ZC3H13: variants seen among roughly 807,000 people sequenced by gnomAD.
ZC3H13 encodes the protein zinc finger CCCH-type containing 13, also known as zinc finger CCCH domain-containing protein 13.
Under a neutral mutation model 204.1 loss-of-function variants are expected in ZC3H13, and 64 were observed. That is an observed-to-expected ratio of 0.31 (90% confidence interval 0.26 to 0.39). The LOEUF (loss-of-function observed/expected upper bound fraction) is 0.39, where lower values mean the gene tolerates loss of function less well. Ranked by LOEUF, ZC3H13 falls within the 10% of genes least tolerant of loss-of-function variation. ZC3H13 has a pLI of 1.00. For synonymous variants in ZC3H13, 667 were observed against 693.7 expected (o/e 0.96, Z 0.60); for missense variants, 1,833 against 2,082.7 (o/e 0.88, Z 2.33).
intron 12 of ZC3H13, among the ~76,000 whole-genome samples, chr13:45,973,509 T>C (rs1420788978): frequency 1.3e-5 from 2 of 152,222 alleles, no homozygotes; most frequent in African/African-American, 4.8e-5. Flanking sequence ...GTATCCCTTA[T>C]CCATGAAATG....
chr13:46,019,814 G>A (rs1240129128), intron 5 of ZC3H13, among the ~76,000 whole-genome samples: 7 of 152,142 alleles, frequency 4.6e-5, no homozygotes, highest in Admixed American at 3.3e-4. Flanking sequence ...CAAACTCCTG[G>A]GCTAAAGTGG....
rs755476855 is a variant in ZC3H13, at chr13:45,970,416, G to A, written c.2518C>T (p.Arg840Cys). 24 of 1,613,826 alleles carry A rather than the reference G, an allele frequency of 1.5e-5. No homozygotes were observed. The highest frequency in any genetic ancestry group is 1.0e-4 in the Admixed American group (6 of 59,998). ...GSPSPRQSPK[R>C]RREHSPDSDA... The stretch of plus-strand genomic sequence containing the variant: ...CTGTCCGGAGAATGTTCACGCCGGC[G>A]CTTCGGGGACTGTCTAGGGCTGGGA... The change falls in exon 13 of 19, where the codon CGC becomes TGC. Residue 840 changes from arginine (R) to cysteine (C), a missense_variant. Around this residue, in one of 5 missense-constraint regions of ZC3H13, gnomAD observed 1,574 missense variants for 1,757.2 expected, o/e 0.90. Coordinates refer to ENST00000679008, the MANE Select transcript of ZC3H13 (RefSeq NM_001330564.2).
rs556031905 is a variant in ZC3H13, at chr13:46,023,304, T to C, written c.340-2747A>G. On this transcript the variant is annotated intron_variant, in intron 4 of 18. Coordinates refer to ENST00000679008, the MANE Select transcript of ZC3H13 (RefSeq NM_001330564.2). ...CCCTTTCTTCCCATTTCCAGACAGT[T>C]CTAATTATTAGAAAATTATTTCTTA... Among the ~76,000 whole-genome samples the C allele has an allele frequency of 2.6e-5, 4 of 152,312 alleles. No individual in the cohort carries two copies. In the East Asian group the frequency reaches 7.7e-4, roughly 29 times the overall value.
chr13:46,028,580 A>T (rs2138939881), intron 4 of ZC3H13, among the ~76,000 whole-genome samples: 1 of 152,352 alleles, frequency 6.6e-6, no homozygotes, highest in Admixed American at 6.5e-5. Context: ...CACACTTAAC[A>T]AATGTAAAAG....
chr13:46,050,284 G>A (rs1170902936), intron 1 of ZC3H13, among the ~76,000 whole-genome samples: 1 of 151,860 alleles, frequency 6.6e-6, no homozygotes, highest in Non-Finnish European at 1.5e-5. Context: ...GCTGAGAAAG[G>A]AGAAGCATAC....
chr13:45,957,339 A>C (rs1487134306), intron 18 of ZC3H13, 42 bp from the exon 19 acceptor site: 12 of 1,408,202 alleles, frequency 8.5e-6, no homozygotes, highest in Non-Finnish European at 1.1e-5. Context: ...AAAGATGTAC[A>C]TTATTAGTAG....
chr13:46,041,125 T>C (rs759075579), intron 4 of ZC3H13, among the ~76,000 whole-genome samples: 1 of 152,112 alleles, frequency 6.6e-6, no homozygotes, highest in Non-Finnish European at 1.5e-5. Context: ...AACTTGTACA[T>C]AAATGTTCAT....
At position 46,042,412 on chromosome 13, in the gene ZC3H13, C is replaced by T. The variant is rs926176596; in HGVS notation, c.228-137G>A. 5.6e-6 allele frequency: 3 copies of T among 540,474 alleles called. No homozygotes were observed. In the Admixed American group the frequency reaches 1.1e-4, roughly 19 times the overall value. 33.5% of individuals were successfully genotyped at this position (540,474 alleles called of 1,614,324 possible). On this transcript the variant is annotated intron_variant, in intron 3 of 18. Transcript: ENST00000679008. ...ATCTCAATACACTTTTTCTAACTGA[C>T]CTTGACTCCTGAATTTCTGAAAAAT...
chr13:45,959,614 C>G lies in ZC3H13; in HGVS notation c.4708G>C (p.Ala1570Pro). The G allele has an allele frequency of 1.9e-6, 3 of 1,539,654 alleles. No homozygotes were observed. Among genetic ancestry groups the G allele is most frequent in the Non-Finnish European group, 2.6e-6 (3 of 1,142,640 alleles). The change falls in exon 18 of 19, where the codon GCT (alanine) becomes CCT (proline). Residue 1570 changes from alanine (A) to proline (P), a missense_variant. Around this residue, in one of 5 missense-constraint regions of ZC3H13, gnomAD observed 211 missense variants for 228.4 expected, o/e 0.92. Coordinates refer to ENST00000679008, the MANE Select transcript of ZC3H13 (RefSeq NM_001330564.2). ...ADNLFEHELG[A>P]LNMAALLRKE... ...CGTAGTAATGCAGCCATATTGAGAG[C>G]CCCCAATTCATGTTCAAAGAGATTG...
At chr13:46,045,875 T>C (rs2043917808) in intron 1 of ZC3H13, among the ~76,000 whole-genome samples, 1 of 152,116 alleles carries the variant, frequency 6.6e-6, no homozygotes, top group Admixed American at 6.5e-5. Context: ...AAAAATTGCT[T>C]CAAAATTTAG....
At chr13:46,037,612 C>T (rs1007977983) in intron 4 of ZC3H13, among the ~76,000 whole-genome samples, 1 of 152,132 alleles carries the variant, frequency 6.6e-6, no homozygotes. Flanking sequence ...TGATTAAATG[C>T]AACTATTTCC....
intron 9 of ZC3H13, among the ~76,000 whole-genome samples, chr13:45,986,373 A>T (rs750991216): frequency 7.2e-5 from 11 of 152,196 alleles, no homozygotes; most frequent in Non-Finnish European, 1.3e-4. Context: ...TAGGAAGATC[A>T]CTTGAATCCA....
chr13:46,015,586 G>T (rs549082144), intron 5 of ZC3H13, among the ~76,000 whole-genome samples: 1 of 152,166 alleles, frequency 6.6e-6, no homozygotes, highest in African/African-American at 2.4e-5. Context: ...CTACTGCAAT[G>T]ATACTTTTAC....
At chr13:45,980,941 A>C (rs1335645321) in intron 10 of ZC3H13, among the ~76,000 whole-genome samples, 1 of 152,214 alleles carries the variant, frequency 6.6e-6, no homozygotes, top group East Asian at 1.9e-4. Flanking sequence ...TACCAATGTC[A>C]ATTGTTTGGT....
chr13:45,991,465 G>A (rs1013959780), intron 8 of ZC3H13, among the ~76,000 whole-genome samples: 5 of 152,098 alleles, frequency 3.3e-5, no homozygotes, highest in Non-Finnish European at 7.4e-5. Flanking sequence ...CGTCCATTCT[G>A]CATATATAAA....
chr13:45,991,592 T>A (rs772218646), intron 8 of ZC3H13, among the ~76,000 whole-genome samples: 1 of 152,200 alleles, frequency 6.6e-6, no homozygotes, highest in Non-Finnish European at 1.5e-5. Context: ...TAGAAGTAAC[T>A]TCAGATTAAT....
At chr13:46,014,991 T>C (rs1017548912) in intron 5 of ZC3H13, among the ~76,000 whole-genome samples, 2 of 152,210 alleles carry the variant, frequency 1.3e-5, no homozygotes, top group Non-Finnish European at 2.9e-5. Flanking sequence ...AGTATTTTGC[T>C]GTTAAAAACA....
chr13:45,958,063 A>G (rs974084026), intron 18 of ZC3H13, among the ~76,000 whole-genome samples: 1 of 152,214 alleles, frequency 6.6e-6, no homozygotes, highest in Non-Finnish European at 1.5e-5. Context: ...TGATTCTGTC[A>G]AAAGTAATCT....
chr13:45,966,443 A>G (rs1952092383), intron 15 of ZC3H13, among the ~76,000 whole-genome samples: 1 of 152,194 alleles, frequency 6.6e-6, no homozygotes, highest in Non-Finnish European at 1.5e-5. Flanking sequence ...TGCACATAAT[A>G]GGATTTTCAA....
Sources: gnomAD v4.1 joint callset for allele counts (sites outside exome capture counted in the v4.1 genomes callset) on GRCh38, gnomAD v4.1.1 for gene constraint, gnomAD v4.1.1 regional missense constraint, MANE v1.5 for transcripts, NCBI Gene and HGNC (gene_info 2026-07-23, HGNC 2026-07-21) for gene names.